Variants in SSBP2 observed in about 807,000 individuals in gnomAD.
The protein encoded by SSBP2 is single stranded DNA binding protein 2, also known as single-stranded DNA-binding protein 2.
SSBP2 carries 17 observed loss-of-function variants against 61.8 expected under a neutral mutation model. That is an observed-to-expected ratio of 0.28 (90% CI 0.19 to 0.41). The LOEUF is 0.41. Ranked by LOEUF, SSBP2 falls within the 10% of genes least tolerant of loss-of-function variation. SSBP2 has a pLI of 1.00. For missense variants in SSBP2, 310 were observed against 458.7 expected, an observed-to-expected ratio of 0.68 and a Z score of 2.96; for synonymous variants, 139 against 141.3, an observed-to-expected ratio of 0.98 and a Z score of 0.12.
At chr5:81,665,706 T>C (rs1302456913) in intron 1 of SSBP2, among the ~76,000 whole-genome samples, 2 of 152,152 alleles carry the variant, frequency 1.3e-5, no homozygotes, top group East Asian at 1.9e-4. Context: ...AGTTTTACCA[T>C]GTTGGCCAGG....
At chr5:81,720,894 T>A (rs1755501562) in intron 1 of SSBP2, among the ~76,000 whole-genome samples, 1 of 152,200 alleles carries the variant, frequency 6.6e-6, no homozygotes, top group South Asian at 2.1e-4. Context: ...TAAAACTAGG[T>A]CTGTTTAAAG....
chr5:81,543,066 G>C (rs1335526989), intron 4 of SSBP2, among the ~76,000 whole-genome samples: 3 of 151,994 alleles, frequency 2.0e-5, no homozygotes, highest in Non-Finnish European at 4.4e-5. Flanking sequence ...TGGTGGCCAG[G>C]GTGGTCTCGA....
At chr5:81,480,779 T>C (rs1005694792) in intron 6 of SSBP2, among the ~76,000 whole-genome samples, 1 of 152,212 alleles carries the variant, frequency 6.6e-6, no homozygotes, top group Non-Finnish European at 1.5e-5. Flanking sequence ...AAATGATTTC[T>C]CTGTAGCATG....
Position 81,538,779 on chromosome 5 carries a change from C to A in SSBP2, c.283-25062G>T, listed in dbSNP as rs114370966. Reference sequence around the variant, plus strand: ...TGGAACAACAAAGCCTGGGTGACAGCACATCTGTTCACAGAATGGTTTACC... The same window carrying A: ...TGGAACAACAAAGCCTGGGTGACAGAACATCTGTTCACAGAATGGTTTACC... On this transcript the variant is annotated intron_variant, in intron 4 of 16. Transcript: ENST00000320672. Among the ~76,000 whole-genome samples, 619 of 152,256 alleles carry A rather than the reference C, an allele frequency of 4.1e-3. 3 individuals are homozygous for A. Among genetic ancestry groups the A allele is most frequent in the African/African-American group, 0.014 (589 of 41,550 alleles).
At chr5:81,533,199 T>C (rs2154108028) in intron 4 of SSBP2, among the ~76,000 whole-genome samples, 1 of 152,054 alleles carries the variant, frequency 6.6e-6, no homozygotes, top group Admixed American at 6.6e-5. Flanking sequence ...CTGACCATAA[T>C]ATAATTAAAC....
At chr5:81,423,374 G>GTA (rs1761733834) in intron 16 of SSBP2, among the ~76,000 whole-genome samples, 1 of 152,174 alleles carries the variant, frequency 6.6e-6, no homozygotes, top group Non-Finnish European at 1.5e-5. Context: ...ATCTTATTGA[G>GTA]TATACTGTGT....
At chr5:81,585,570 T>C (rs1400681284) in intron 4 of SSBP2, among the ~76,000 whole-genome samples, 4 of 152,094 alleles carry the variant, frequency 2.6e-5, no homozygotes, top group Admixed American at 6.5e-5. Flanking sequence ...TATATATATA[T>C]GGTTTACAGC....
intron 4 of SSBP2, among the ~76,000 whole-genome samples, chr5:81,583,745 T>C (rs1330056493): frequency 3.9e-5 from 6 of 152,114 alleles, no homozygotes; most frequent in Admixed American, 3.3e-4. Flanking sequence ...GTGACATATA[T>C]AGAAGCTATT....
At chr5:81,511,512 C>T (rs1308521764) in intron 5 of SSBP2, among the ~76,000 whole-genome samples, 1 of 152,198 alleles carries the variant, frequency 6.6e-6, no homozygotes, top group African/African-American at 2.4e-5. Context: ...ACCCTCCCCA[C>T]TACCTTCTGT....
At chr5:81,714,149 C>T (rs1407942261) in intron 1 of SSBP2, among the ~76,000 whole-genome samples, 2 of 152,128 alleles carry the variant, frequency 1.3e-5, no homozygotes, top group Admixed American at 6.5e-5. Flanking sequence ...TAACTGAGAA[C>T]AGGCGGTGTT....
chr5:81,512,803 A>C (rs1768715987), intron 5 of SSBP2, among the ~76,000 whole-genome samples: 1 of 152,122 alleles, frequency 6.6e-6, no homozygotes, highest in Admixed American at 6.6e-5. Flanking sequence ...TGGAAGTGAC[A>C]AATTAGTTTA....
chr5:81,560,667 A>T (rs1264181983), intron 4 of SSBP2, among the ~76,000 whole-genome samples: 2 of 152,174 alleles, frequency 1.3e-5, no homozygotes, highest in Non-Finnish European at 2.9e-5. Context: ...GTGCATTTGA[A>T]ACAGATTAAT....
intron 10 of SSBP2, among the ~76,000 whole-genome samples, chr5:81,452,194 C>T (rs749282127): frequency 2.0e-5 from 3 of 152,156 alleles, no homozygotes; most frequent in Non-Finnish European, 4.4e-5. Flanking sequence ...AAGGGTGAGG[C>T]TGCACAGTCA....
At chr5:81,529,627 T>G (rs1008002523) in intron 4 of SSBP2, among the ~76,000 whole-genome samples, 1 of 152,088 alleles carries the variant, frequency 6.6e-6, no homozygotes, top group African/African-American at 2.4e-5. Context: ...TGGGAGACAG[T>G]CTTGGTTAAG....
chr5:81,560,736 AT>A (rs1259884515), intron 4 of SSBP2, among the ~76,000 whole-genome samples: 3 of 152,130 alleles, frequency 2.0e-5, no homozygotes, highest in Non-Finnish European at 4.4e-5. Flanking sequence ...TCATAACAAT[AT>A]TTTTTACAGC....
intron 4 of SSBP2, among the ~76,000 whole-genome samples, chr5:81,534,013 A>G (rs977618496): frequency 3.3e-5 from 5 of 152,110 alleles, no homozygotes; most frequent in African/African-American, 1.2e-4. Context: ...CCTGCCCTCA[A>G]GAGAAACTAA....
At chr5:81,521,533 C>G (rs1166678775) in intron 4 of SSBP2, among the ~76,000 whole-genome samples, 1 of 151,886 alleles carries the variant, frequency 6.6e-6, no homozygotes, top group African/African-American at 2.4e-5. Context: ...CTATAGTTAA[C>G]TACTGTTGTC....
intron 1 of SSBP2, among the ~76,000 whole-genome samples, chr5:81,656,073 G>A (rs918924553): frequency 2.0e-5 from 3 of 152,078 alleles, no homozygotes; most frequent in Non-Finnish European, 4.4e-5. Flanking sequence ...ATGAGACGGA[G>A]TCTTGCTCTG....
chr5:81,500,488 G>A (rs1020973329), intron 5 of SSBP2, among the ~76,000 whole-genome samples: 1 of 151,238 alleles, frequency 6.6e-6, no homozygotes, highest in Non-Finnish European at 1.5e-5. Flanking sequence ...CTGGAACGGA[G>A]TCTCACTCTG....
Sources: gnomAD v4.1 joint callset for allele counts (sites outside exome capture counted in the v4.1 genomes callset) on GRCh38, gnomAD v4.1.1 for gene constraint, MANE v1.5 for transcripts, NCBI Gene and HGNC (gene_info 2026-07-23, HGNC 2026-07-21) for gene names.